The following CNTRL variants were observed in gnomAD, a reference collection of about 807,000 sequenced individuals.
CNTRL encodes 110 kDa centrosomal protein.
In CNTRL, 233 loss-of-function variants were observed where a neutral mutation model predicts 303.7. That is an observed-to-expected ratio of 0.77 (90% CI 0.69 to 0.86). The LOEUF (loss-of-function observed/expected upper bound fraction) is 0.86. CNTRL is among the 40% of genes least tolerant of loss of function. CNTRL has a pLI of 0.00. For missense variants in CNTRL, 2,524 were observed against 2,650.6 expected (o/e 0.95, Z 1.05); for synonymous variants, 900 against 922.2 (o/e 0.98, Z 0.44).
At chr9:121,112,666 A>G in intron 9 of CNTRL, 88 bp downstream of exon 9, 1 of 1,297,376 alleles carries the variant, frequency 7.7e-7, no homozygotes, top group Non-Finnish European at 1.1e-6. Flanking sequence ...CATGTAAGGG[A>G]TTTGATCAGA....
rs2134276597 is a variant in CNTRL at position 121,152,661 on chromosome 9, A to C, written c.4140A>C (p.Leu1380Phe). 1 of 1,613,756 alleles carries C rather than the reference A, an allele frequency of 6.2e-7. No homozygotes were observed. The highest frequency in any genetic ancestry group is 8.5e-7 in the Non-Finnish European group (1 of 1,179,672). The change falls in exon 26 of 44, where the codon TTA (leucine) becomes TTC (phenylalanine). Residue 1380 changes from leucine (L) to phenylalanine (F), a missense_variant. By Grantham distance (22) the Leu-to-Phe change is conservative. Coordinates refer to ENST00000373855, the MANE Select transcript of CNTRL (RefSeq NM_007018.6). The stretch of plus-strand genomic sequence containing the variant: ...GCTTAGAGTGTGAAGTAGAAGAATT[A>C]CATAGAACTGTCCAGAAACGTCAAC... ...KKSLECEVEE[L>F]HRTVQKRQQQ...
At chr9:121,132,103 G>A (rs1472059494) in intron 14 of CNTRL, among the ~76,000 whole-genome samples, 3 of 152,148 alleles carry the variant, frequency 2.0e-5, no homozygotes, top group African/African-American at 7.2e-5. Flanking sequence ...TGACAATTAT[G>A]TGTCTTGGAG....
rs943914543 is a variant in CNTRL, at chr9:121,101,294, A to G, written c.808+2722A>G. 7.2e-5 allele frequency among the ~76,000 whole-genome samples: 11 copies of G among 152,252 alleles called. No individual in the cohort carries two copies. The East Asian group carries it at 1.2e-3, about 16-fold the overall frequency. On this transcript the variant is annotated intron_variant, in intron 7 of 43. Transcript: ENST00000373855. ...TGGAAACTGAACAACCTGCTCTTGA[A>G]TGACTACTGGGTACTTAATGAAATG... is the stretch of plus-strand genomic sequence containing the variant.
chr9:121,162,410 C>T, intron 34 of CNTRL, 139 bp downstream of exon 34: 1 of 684,568 alleles, frequency 1.5e-6, no homozygotes, highest in Non-Finnish European at 2.5e-6. Context: ...TTGCCAGTTG[C>T]ATTTTTTTGG....
At chr9:121,158,795 G>C in intron 30 of CNTRL, 60 bp from the exon 31 acceptor site, 1 of 1,476,014 alleles carries the variant, frequency 6.8e-7, no homozygotes, top group Non-Finnish European at 9.4e-7. Flanking sequence ...TTATCTCCAG[G>C]TTAGCACTGA....
At chr9:121,104,391 G>C (rs2049348456) in intron 7 of CNTRL, among the ~76,000 whole-genome samples, 1 of 152,178 alleles carries the variant, frequency 6.6e-6, no homozygotes, top group African/African-American at 2.4e-5. Flanking sequence ...GGGGCTAGAG[G>C]GGAGGGATAG....
intron 7 of CNTRL, among the ~76,000 whole-genome samples, chr9:121,102,406 TAA>T (rs2049223565): frequency 6.6e-6 from 1 of 152,120 alleles, no homozygotes; most frequent in African/African-American, 2.4e-5. Context: ...CTCAAAATAA[TAA>T]GAGCTATTTA....
In CNTRL at chr9:121,157,826, CAA is replaced by C. The variant is rs1473215672; in HGVS notation, c.4586_4587del (p.Lys1529ArgfsTer32). 1 of 1,614,138 alleles carries C rather than the reference CAA, an allele frequency of 6.2e-7. No homozygotes were observed. The highest frequency in any genetic ancestry group is 2.2e-5 in the East Asian group (1 of 44,892). ...AAAGAAATAAACAAAATTGTAGCAG[CAA>C]AAGACTCAGACTTCCAATGTTTAAG... On this transcript the variant is annotated frameshift_variant, in exon 29 of 44. Coordinates refer to ENST00000373855, the MANE Select transcript of CNTRL (RefSeq NM_007018.6). LOFTEE classifies it high-confidence loss of function.
chr9:121,104,694 A>ATTTTTTTT (rs10693661), intron 7 of CNTRL, among the ~76,000 whole-genome samples: 9 of 96,460 alleles, frequency 9.3e-5, no homozygotes, highest in East Asian at 7.4e-4. Flanking sequence ...GCCACTGGCA[A>ATTTTTTTT]TTTTTTTTTT....
intron 2 of CNTRL, among the ~76,000 whole-genome samples, chr9:121,082,004 CTT>C (rs1237551506): frequency 6.6e-6 from 1 of 152,228 alleles, no homozygotes; most frequent in Non-Finnish European, 1.5e-5. Flanking sequence ...GAAAGACACT[CTT>C]ATCACTGTGG....
chr9:121,166,181 G>A lies in CNTRL; in HGVS notation c.5655+1G>A, dbSNP rs759932403. ...AGACCATTTGAACCTAGCAAAACAG[G>A]TAAGGTTAACAAATGTAATATTCTA... On this transcript the variant is annotated splice_donor_variant, in intron 36 of 43. Transcript: ENST00000373855. LOFTEE classifies it high-confidence loss of function. 1.2e-6 allele frequency: 2 copies of A among 1,606,458 alleles called. No individual in the cohort carries two copies. Among genetic ancestry groups the A allele is most frequent in the South Asian group, 2.2e-5 (2 of 90,364 alleles).
At chr9:121,112,361 A>G in intron 8 of CNTRL, 98 bp from the exon 9 acceptor site, 1 of 1,029,356 alleles carries the variant, frequency 9.7e-7, no homozygotes, top group Non-Finnish European at 1.4e-6. Context: ...TTTTAAACAT[A>G]TATGATTATA....
chr9:121,088,002 G>T (rs956901617), intron 2 of CNTRL, among the ~76,000 whole-genome samples: 3 of 152,152 alleles, frequency 2.0e-5, no homozygotes, highest in Admixed American at 6.5e-5. Flanking sequence ...CTAGGACCCC[G>T]TTATGTGGGT....
Position 121,127,477 on chromosome 9 carries a change from C to T in CNTRL, c.2025+1541C>T, listed in dbSNP as rs576682581. Reference sequence around the variant, plus strand: ...ACCATTCTTGCCACATCCTTGCCAACGCTGTAGTGTTGTCCAACTTTTTTT... The same window carrying T: ...ACCATTCTTGCCACATCCTTGCCAATGCTGTAGTGTTGTCCAACTTTTTTT... On this transcript the variant is annotated intron_variant, in intron 14 of 43. Coordinates refer to ENST00000373855, the MANE Select transcript of CNTRL (RefSeq NM_007018.6). Among the ~76,000 whole-genome samples the T allele has an allele frequency of 6.6e-5, 10 of 152,200 alleles. No individual in the cohort carries two copies. In the East Asian group the frequency reaches 9.7e-4, roughly 15 times the overall value.
intron 6 of CNTRL, among the ~76,000 whole-genome samples, chr9:121,097,604 G>C (rs1325772220): frequency 7.9e-5 from 12 of 152,226 alleles, no homozygotes. Context: ...CAGAGCCCAA[G>C]CCCAACCCCA....
At chr9:121,083,721 T>A (rs1206144578) in intron 2 of CNTRL, among the ~76,000 whole-genome samples, 1 of 152,250 alleles carries the variant, frequency 6.6e-6, no homozygotes, top group Admixed American at 6.5e-5. Context: ...TCTACATAAT[T>A]GTATGTGCCA....
intron 11 of CNTRL, among the ~76,000 whole-genome samples, chr9:121,117,999 A>G (rs905070160): frequency 8.6e-5 from 13 of 151,950 alleles, no homozygotes; most frequent in Non-Finnish European, 1.3e-4. Context: ...AAAAGTATAT[A>G]AAGAGTTTAG....
At chr9:121,121,544 A>G (rs1236462106) in intron 12 of CNTRL, among the ~76,000 whole-genome samples, 1 of 152,274 alleles carries the variant, frequency 6.6e-6, no homozygotes, top group Non-Finnish European at 1.5e-5. Flanking sequence ...AGCACAAATT[A>G]TCACCGGAGC....
chr9:121,117,432 A>G (rs754133601), intron 11 of CNTRL, among the ~76,000 whole-genome samples: 36 of 152,214 alleles, frequency 2.4e-4, no homozygotes, highest in Non-Finnish European at 4.3e-4. Flanking sequence ...TGTTAGAAAT[A>G]AGAGATAGAG....
Sources: allele counts gnomAD v4.1 joint callset (sites outside exome capture counted in the v4.1 genomes callset), GRCh38; gene constraint gnomAD v4.1.1; transcripts MANE v1.5; gene names NCBI Gene and HGNC (gene_info 2026-07-23, HGNC 2026-07-21).